GRIK1: variants seen among roughly 807,000 people sequenced by gnomAD.
The protein encoded by GRIK1 is glutamate receptor ionotropic, kainate 1.
A neutral mutation model predicts 105.7 loss-of-function variants in GRIK1; 69 were observed. The observed-to-expected ratio is 0.65, with a 90% CI of 0.54 to 0.80. The LOEUF is 0.80. GRIK1 is among the 30% of genes least tolerant of loss of function. The pLI, the probability that GRIK1 is intolerant of heterozygous loss-of-function variation, is 0.00. For missense variants in GRIK1, 1,109 were observed against 1,167.3 expected, an observed-to-expected ratio of 0.95 and a Z score of 0.73; for synonymous variants, 438 against 431.3, an observed-to-expected ratio of 1.02 and a Z score of -0.19.
At chr21:29,581,622 A>G in intron 12 of GRIK1, 79 bp from the exon 13 acceptor site, 3 of 773,662 alleles carry the variant, frequency 3.9e-6, no homozygotes, top group Non-Finnish European at 4.5e-6. Flanking sequence ...CTGCTGAGCA[A>G]TGCAGAAAAC....
intron 1 of GRIK1, among the ~76,000 whole-genome samples, chr21:29,926,775 A>G (rs898970060): frequency 6.6e-6 from 1 of 152,134 alleles, no homozygotes; most frequent in Non-Finnish European, 1.5e-5. Flanking sequence ...TTCCAAGAAG[A>G]GTATACTGTT....
At chr21:29,769,440 G>A (rs1011715198) in intron 1 of GRIK1, among the ~76,000 whole-genome samples, 1 of 152,188 alleles carries the variant, frequency 6.6e-6, no homozygotes, top group East Asian at 1.9e-4. Flanking sequence ...GACTGGAGGT[G>A]AGGGGTGGTG....
At chr21:29,916,889 T>G (rs1006853177) in intron 1 of GRIK1, among the ~76,000 whole-genome samples, 2 of 151,976 alleles carry the variant, frequency 1.3e-5, no homozygotes, top group South Asian at 2.1e-4. Flanking sequence ...TGTTTACTGA[T>G]GACATGAAAC....
In GRIK1 at chr21:29,866,180, C is replaced by G. The variant is rs7278068; in HGVS notation, c.118+73203G>C. ...CTCCCAGGTTCAATCAATCTCCCATCTCAGCCTCTGGAGTAGCTGGGACTA... is the reference window on the plus strand; with the variant it reads ...CTCCCAGGTTCAATCAATCTCCCATGTCAGCCTCTGGAGTAGCTGGGACTA... On this transcript the variant is annotated intron_variant, in intron 1 of 17. Transcript: ENST00000327783. Among the ~76,000 whole-genome samples the G allele has an allele frequency of 2.7e-3, 411 of 152,210 alleles. 1 individual carries two copies. Among genetic ancestry groups the G allele is most frequent in the African/African-American group, 9.3e-3 (387 of 41,496 alleles).
rs548130429 is a variant in GRIK1 at position 29,867,797 on chromosome 21, G to GAAGAAAGAAAGA, written c.118+71574_118+71585dup. ...CAATAAGAGTGAAACTATGTCGAAAGAAGAAAGAAAGAAAGAAAGAATGAA... is the reference window on the plus strand; with the variant it reads ...CAATAAGAGTGAAACTATGTCGAAAGAAGAAAGAAAGAAAGAAAGAAAGAAAGAAAGAATGAA... On this transcript the variant is annotated intron_variant, in intron 1 of 17. Coordinates refer to ENST00000327783, the MANE Select transcript of GRIK1 (RefSeq NM_001330994.2). Among the ~76,000 whole-genome samples the GAAGAAAGAAAGA allele has an allele frequency of 6.6e-5, 9 of 137,218 alleles. No homozygotes were observed. In the East Asian group the frequency reaches 8.7e-4, roughly 13 times the overall value. 90.0% of individuals were successfully genotyped at this position (137,218 alleles called of 152,430 possible).
intron 1 of GRIK1, among the ~76,000 whole-genome samples, chr21:29,809,506 C>A (rs1402779272): frequency 2.0e-5 from 3 of 152,196 alleles, no homozygotes; most frequent in South Asian, 2.1e-4. Flanking sequence ...GATGACCTTG[C>A]TGTGGATTAG....
chr21:29,906,220 T>C (rs1032134093), intron 1 of GRIK1, among the ~76,000 whole-genome samples: 4 of 152,228 alleles, frequency 2.6e-5, no homozygotes, highest in African/African-American at 9.6e-5. Flanking sequence ...CTACAACTTA[T>C]TGCTGAATGC....
At chr21:29,650,893 A>C (rs1482948572) in intron 6 of GRIK1, among the ~76,000 whole-genome samples, 1 of 152,116 alleles carries the variant, frequency 6.6e-6, no homozygotes, top group Non-Finnish European at 1.5e-5. Context: ...ACTCTTGTCA[A>C]GTTTTTTATC....
At chr21:29,683,279 G>A (rs1226343071) in intron 3 of GRIK1, among the ~76,000 whole-genome samples, 3 of 152,090 alleles carry the variant, frequency 2.0e-5, no homozygotes, top group Non-Finnish European at 4.4e-5. Context: ...CCATTACTGG[G>A]TATATATCCA....
chr21:29,730,184 A>G (rs955964654), intron 1 of GRIK1, among the ~76,000 whole-genome samples: 1 of 152,238 alleles, frequency 6.6e-6, no homozygotes, highest in African/African-American at 2.4e-5. Context: ...TACAAAGTAC[A>G]TAATTGCGGT....
In GRIK1 at chr21:29,750,916, T is replaced by G. The variant is rs528359204; in HGVS notation, c.119-56853A>C. ...TTTAATCACCTGGGTGCAGGCGGAC[T>G]GAGTCCGAAAAGAGTCAGCGAAGGG... On this transcript the variant is annotated intron_variant, in intron 1 of 17. Coordinates refer to ENST00000327783, the MANE Select transcript of GRIK1 (RefSeq NM_001330994.2). Among the ~76,000 whole-genome samples, 308 of 152,264 alleles carry G rather than the reference T, an allele frequency of 2.0e-3. 1 individual carries two copies. Among genetic ancestry groups the G allele is most frequent in the African/African-American group, 7.3e-3 (304 of 41,540 alleles).
intron 4 of GRIK1, among the ~76,000 whole-genome samples, chr21:29,671,249 T>C (rs1035308771): frequency 1.3e-5 from 2 of 151,632 alleles, no homozygotes; most frequent in Non-Finnish European, 1.5e-5. Flanking sequence ...CAGCCTCCCA[T>C]GTAGCTGGGA....
intron 6 of GRIK1, among the ~76,000 whole-genome samples, chr21:29,644,990 G>T (rs2062588882): frequency 6.6e-6 from 1 of 152,314 alleles, no homozygotes; most frequent in Non-Finnish European, 1.5e-5. Context: ...CACAAAGTTG[G>T]TGCTAGAGTA....
chr21:29,824,491 G>T (rs891430133), intron 1 of GRIK1, among the ~76,000 whole-genome samples: 1 of 151,994 alleles, frequency 6.6e-6, no homozygotes, highest in Non-Finnish European at 1.5e-5. Context: ...AAGGATCATT[G>T]TATGGGAAGT....
intron 1 of GRIK1, among the ~76,000 whole-genome samples, chr21:29,801,654 A>G (rs1030852725): frequency 1.2e-4 from 19 of 152,204 alleles, no homozygotes; most frequent in Admixed American, 1.2e-3. Flanking sequence ...AACTCTGTGG[A>G]CATATTTTCA....
chr21:29,552,770 T>A (rs2090156276), intron 16 of GRIK1, among the ~76,000 whole-genome samples: 1 of 152,034 alleles, frequency 6.6e-6, no homozygotes, highest in South Asian at 2.1e-4. Context: ...AATATCACCA[T>A]TCCTTAGAGA....
chr21:29,874,635 G>A (rs1323552902), intron 1 of GRIK1, among the ~76,000 whole-genome samples: 1 of 152,188 alleles, frequency 6.6e-6, no homozygotes, highest in Non-Finnish European at 1.5e-5. Context: ...CCCTGTTTTA[G>A]GAGCATGTAT....
intron 1 of GRIK1, among the ~76,000 whole-genome samples, chr21:29,837,353 T>G (rs537504454): frequency 6.6e-6 from 1 of 152,324 alleles, no homozygotes; most frequent in African/African-American, 2.4e-5. Context: ...CTCATTTCTC[T>G]TCCGAAAGCC....
chr21:29,692,189 G>A (rs2063596733), intron 2 of GRIK1, among the ~76,000 whole-genome samples: 1 of 152,212 alleles, frequency 6.6e-6, no homozygotes, highest in African/African-American at 2.4e-5. Context: ...CTCTGGGGGT[G>A]TTTAACTGAC....
Sources: gnomAD v4.1 joint callset for allele counts (sites outside exome capture counted in the v4.1 genomes callset) on GRCh38, gnomAD v4.1.1 for gene constraint, MANE v1.5 for transcripts, NCBI Gene and HGNC (gene_info 2026-07-23, HGNC 2026-07-21) for gene names.